The following TCF7L2 variants were observed in gnomAD, a reference collection of about 807,000 sequenced individuals.
The protein encoded by TCF7L2 is transcription factor 7 like 2, also known as transcription factor 7-like 2.
A neutral mutation model predicts 77.9 loss-of-function variants in TCF7L2; 23 were observed. The observed-to-expected ratio is 0.30, with a 90% confidence interval of 0.21 to 0.42. TCF7L2 has a LOEUF of 0.42. TCF7L2 is among the 10% of genes least tolerant of loss of function. The pLI, the probability that TCF7L2 is intolerant of heterozygous loss-of-function variation, is 1.00. For synonymous variants in TCF7L2, 413 were observed against 340.2 expected (o/e 1.21, Z -2.36); for missense variants, 654 against 793.1 (o/e 0.82, Z 2.11).
In TCF7L2 at chr10:113,090,582, A is replaced by G. The variant is rs565511920; in HGVS notation, c.552+50456A>G. Among the ~76,000 whole-genome samples the G allele has an allele frequency of 2.6e-5, 4 of 152,344 alleles. No homozygotes were observed. The South Asian group carries it at 6.2e-4, about 24-fold the overall frequency. On this transcript the variant is annotated intron_variant, in intron 5 of 13. Coordinates refer to ENST00000627217, the MANE Select transcript of TCF7L2 (RefSeq NM_001146274.2). Reference sequence around the variant, plus strand: ...CTGTAAAAATACATAAAGAAAATGTAAATACCTATACTCTTATTACCTATT... The same window carrying G: ...CTGTAAAAATACATAAAGAAAATGTGAATACCTATACTCTTATTACCTATT...
chr10:113,160,648 C>A lies in TCF7L2; in HGVS notation c.1348C>A (p.Leu450Met). 6.3e-7 allele frequency: 1 copy of A among 1,597,944 alleles called. No individual in the cohort carries two copies. ...AAATACTCCAAAGAAGTGTCGGGCA[C>A]TGTTCGGGCTTGACCGACAGACTTT... The change falls in exon 13 of 14, where the codon CTG (leucine) becomes ATG (methionine). Residue 450 changes from leucine (L) to methionine (M), a missense_variant. Around this residue, in one of 6 missense-constraint regions of TCF7L2, gnomAD observed 272 missense variants for 215.4 expected, o/e 1.26. Transcript: ENST00000627217.
intron 4 of TCF7L2, among the ~76,000 whole-genome samples, chr10:112,987,040 C>T (rs775175587): frequency 2.6e-5 from 4 of 152,138 alleles, no homozygotes; most frequent in East Asian, 1.9e-4. Context: ...CTGCTATGGT[C>T]GATCTAGGCT....
At chr10:113,033,474 C>G (rs1590776813) in intron 4 of TCF7L2, among the ~76,000 whole-genome samples, 1 of 151,998 alleles carries the variant, frequency 6.6e-6, no homozygotes, top group Non-Finnish European at 1.5e-5. Context: ...TCTTGAACTC[C>G]TGGACTCAAG....
chr10:112,990,118 A>G (rs1345374125), intron 4 of TCF7L2, among the ~76,000 whole-genome samples: 1 of 152,160 alleles, frequency 6.6e-6, no homozygotes, highest in Non-Finnish European at 1.5e-5. Flanking sequence ...CCTGCCTCTC[A>G]GGACTCCTGC....
chr10:112,965,073 C>T (rs1297631225), intron 4 of TCF7L2, among the ~76,000 whole-genome samples: 1 of 151,812 alleles, frequency 6.6e-6, no homozygotes, highest in South Asian at 2.1e-4. Context: ...GAGAGGAGGC[C>T]GTGCAACAGC....
chr10:112,971,587 G>T (rs1212651456), intron 4 of TCF7L2, among the ~76,000 whole-genome samples: 3 of 151,910 alleles, frequency 2.0e-5, no homozygotes, highest in African/African-American at 7.3e-5. Flanking sequence ...TGGGATTACA[G>T]GTGTGAGCCA....
chr10:113,114,260 C>T (rs290475), intron 5 of TCF7L2, among the ~76,000 whole-genome samples: 125,757 of 152,238 alleles, frequency 0.83, 52,565 homozygotes, highest in African/African-American at 0.94. Flanking sequence ...GATGAATATT[C>T]CTTTAGTACT....
chr10:113,141,283 C>G lies in TCF7L2; in HGVS notation c.652C>G (p.Pro218Ala). Residue 218 changes from proline (P) to alanine (A), a missense_variant, in exon 6 of 14, where the codon CCA (proline) becomes GCA (alanine). Transcript: ENST00000627217. ...ACACTTCACGCCGGGAAACCCACCT[C>G]CACACTTACCAGCCGACGTAGACCC... is the stretch of plus-strand genomic sequence containing the variant. 1 of 1,614,180 alleles carries G rather than the reference C, an allele frequency of 6.2e-7. No individual in the cohort carries two copies. The highest frequency in any genetic ancestry group is 8.5e-7 in the Non-Finnish European group (1 of 1,180,030).
intron 5 of TCF7L2, among the ~76,000 whole-genome samples, chr10:113,068,758 G>A (rs867227482): frequency 2.0e-5 from 3 of 152,106 alleles, no homozygotes; most frequent in African/African-American, 4.8e-5. Context: ...CGTCCCGTCC[G>A]CAGGCCCCCT....
chr10:113,080,396 A>C (rs554600136), intron 5 of TCF7L2, among the ~76,000 whole-genome samples: 3 of 152,082 alleles, frequency 2.0e-5, no homozygotes, highest in African/African-American at 7.2e-5. Flanking sequence ...CACAGAGGTG[A>C]CTGCCTAAGC....
At chr10:113,087,643 G>A (rs576976321) in intron 5 of TCF7L2, among the ~76,000 whole-genome samples, 1 of 152,120 alleles carries the variant, frequency 6.6e-6, no homozygotes, top group Non-Finnish European at 1.5e-5. Flanking sequence ...ACCTCCAGGG[G>A]TGGAGAACGG....
At position 112,987,118 on chromosome 10, in the gene TCF7L2, C is replaced by G. The variant is rs180844224; in HGVS notation, c.450+22494C>G. Among the ~76,000 whole-genome samples the G allele has an allele frequency of 3.3e-5, 5 of 152,242 alleles. No homozygotes were observed. In the East Asian group the frequency reaches 9.7e-4, roughly 29 times the overall value. ...TTGTTTCTATTTTAAAAATACTTAC[C>G]GAGCATCTTCTGGTAGCTAAGAACT... is the stretch of plus-strand genomic sequence containing the variant. On this transcript the variant is annotated intron_variant, in intron 4 of 13. Transcript: ENST00000627217.
intron 5 of TCF7L2, among the ~76,000 whole-genome samples, chr10:113,060,100 T>C (rs2056184104): frequency 6.6e-6 from 1 of 152,234 alleles, no homozygotes; most frequent in South Asian, 2.1e-4. Flanking sequence ...ACCCTGTTAG[T>C]GTTTGTTCTT....
chr10:112,983,432 G>A (rs939867649), intron 4 of TCF7L2, among the ~76,000 whole-genome samples: 10 of 152,044 alleles, frequency 6.6e-5, no homozygotes, highest in African/African-American at 1.2e-4. Flanking sequence ...CCGAGATCGC[G>A]CCACTGCACT....
chr10:113,064,342 C>T (rs539442804), intron 5 of TCF7L2, among the ~76,000 whole-genome samples: 190 of 152,264 alleles, frequency 1.2e-3, no homozygotes, highest in African/African-American at 4.4e-3. Flanking sequence ...CATGTAAATG[C>T]GGGTAGTAGG....
chr10:112,995,781 C>G (rs1187209664), intron 4 of TCF7L2, among the ~76,000 whole-genome samples: 1 of 152,120 alleles, frequency 6.6e-6, no homozygotes, highest in Admixed American at 6.5e-5. Flanking sequence ...CCTTCAGAGT[C>G]GTGATCATGC....
At chr10:113,133,331 A>C (rs1242340189) in intron 5 of TCF7L2, 1 of 151,458 alleles carries the variant, frequency 6.6e-6, no homozygotes, top group Non-Finnish European at 1.5e-5. Flanking sequence ...CACCTTCTTT[A>C]TTTTCCAGGT....
At chr10:113,163,086 G>T (rs372219831) in intron 13 of TCF7L2, among the ~76,000 whole-genome samples, 5 of 151,716 alleles carry the variant, frequency 3.3e-5, no homozygotes, top group African/African-American at 1.2e-4. Flanking sequence ...ATGTGTGTGC[G>T]TGCCAGCTGC....
chr10:113,034,178 AG>A (rs1307821166), intron 4 of TCF7L2, among the ~76,000 whole-genome samples: 2 of 152,184 alleles, frequency 1.3e-5, no homozygotes, highest in Non-Finnish European at 2.9e-5. Context: ...TCACAATATG[AG>A]TTCCTGAAGA....
Sources: allele counts gnomAD v4.1 joint callset (sites outside exome capture counted in the v4.1 genomes callset), GRCh38; gene constraint gnomAD v4.1.1; regional missense constraint gnomAD v4.1.1; transcripts MANE v1.5; gene names NCBI Gene and HGNC (gene_info 2026-07-23, HGNC 2026-07-21).